The following ZFP2 variants were observed in gnomAD, a reference collection of about 807,000 sequenced individuals.
ZFP2 encodes ZFP2 zinc finger protein.
In ZFP2, 33 loss-of-function variants were observed where a neutral mutation model predicts 36.1. That is an observed-to-expected ratio of 0.92 (90% CI 0.69 to 1.22). The LOEUF (loss-of-function observed/expected upper bound fraction) is 1.22. Among genes scored for constraint, ZFP2 ranks in the 50% most tolerant of loss-of-function variants. The pLI, the probability that ZFP2 is intolerant of heterozygous loss-of-function variation, is 0.00. For missense variants in ZFP2, 522 were observed against 551.4 expected (o/e 0.95, Z 0.53); for synonymous variants, 170 against 178.0 (o/e 0.96, Z 0.36).
At chr5:178,901,704 T>G (rs1758060042) in intron 1 of ZFP2, among the ~76,000 whole-genome samples, 1 of 152,176 alleles carries the variant, frequency 6.6e-6, no homozygotes, top group Non-Finnish European at 1.5e-5. Context: ...ATACCTTTTT[T>G]GGGGGACACA....
At position 178,931,746 on chromosome 5, in the gene ZFP2, C is replaced by G. The variant is rs1261313343; in HGVS notation, c.433C>G (p.Leu145Val). 1.2e-6 allele frequency: 2 copies of G among 1,613,988 alleles called. No individual in the cohort carries two copies. Reference sequence around the variant, plus strand: ...GAAACACTTCATTGAACGATCCTCCCTTACTGTACATCAAAGAATTCATAC... The same window carrying G: ...GAAACACTTCATTGAACGATCCTCCGTTACTGTACATCAAAGAATTCATAC... Reference protein sequence around the residue: ...CGKHFIERSSLTVHQRIHTGE... With the variant: ...CGKHFIERSSVTVHQRIHTGE... The change falls in exon 5 of 5, where the codon CTT becomes GTT. Residue 145 changes from leucine to valine, a missense_variant. Physicochemically the swap from Leu to Val is conservative, Grantham distance 32. Coordinates refer to ENST00000361362, the MANE Select transcript of ZFP2 (RefSeq NM_030613.4).
intron 1 of ZFP2, among the ~76,000 whole-genome samples, chr5:178,903,446 A>T (rs985262821): frequency 2.0e-5 from 3 of 152,222 alleles, no homozygotes; most frequent in Admixed American, 2.0e-4. Flanking sequence ...TATGATGTAC[A>T]TTCTTCCAGC....
intron 4 of ZFP2, among the ~76,000 whole-genome samples, chr5:178,929,113 C>T (rs560981085): frequency 1.9e-3 from 289 of 151,960 alleles, no homozygotes; most frequent in Admixed American, 4.1e-3. Context: ...TGCAGGGCAC[C>T]GGGCCCTGGG....
In ZFP2 at chr5:178,931,549, A is replaced by G; in HGVS notation, c.236A>G (p.His79Arg). Reference protein sequence around the residue: ...MVKRPHNCNSHGEDATQNSEL... With the variant: ...MVKRPHNCNSRGEDATQNSEL... ...AAAAGGCCCCATAACTGTAATTCAC[A>G]TGGAGAAGATGCCACACAAAATTCT... Residue 79 changes from histidine to arginine, a missense_variant, in exon 5 of 5, where the codon CAT becomes CGT. By Grantham distance (29) the His-to-Arg change is conservative. Transcript: ENST00000361362. 6.2e-7 allele frequency: 1 copy of G among 1,614,196 alleles called. No homozygotes were observed. The highest frequency in any genetic ancestry group is 8.5e-7 in the Non-Finnish European group (1 of 1,180,038).
chr5:178,928,708 G>A (rs528589221), intron 4 of ZFP2, among the ~76,000 whole-genome samples: 1 of 152,310 alleles, frequency 6.6e-6, no homozygotes, highest in Non-Finnish European at 1.5e-5. Flanking sequence ...CACATGCAGG[G>A]TGCAAACTGC....
chr5:178,928,988 G>T (rs982012535), intron 4 of ZFP2, among the ~76,000 whole-genome samples: 4 of 152,232 alleles, frequency 2.6e-5, no homozygotes, highest in African/African-American at 9.7e-5. Flanking sequence ...TATCAAAGCT[G>T]CCAAGGCTTA....
chr5:178,902,689 T>A (rs1177279464), intron 1 of ZFP2, among the ~76,000 whole-genome samples: 2 of 152,226 alleles, frequency 1.3e-5, no homozygotes, highest in Non-Finnish European at 1.5e-5. Flanking sequence ...AAAATAAATC[T>A]TCTTCCTACT....
intron 4 of ZFP2, among the ~76,000 whole-genome samples, chr5:178,919,975 A>G (rs956850638): frequency 6.6e-6 from 1 of 152,108 alleles, no homozygotes; most frequent in Non-Finnish European, 1.5e-5. Flanking sequence ...AAGAAAAAAA[A>G]AAAAATTTGA....
Position 178,932,782 on chromosome 5 carries a change from T to C in ZFP2, c.*83T>C. The C allele has an allele frequency of 6.8e-7, 1 of 1,464,096 alleles. No homozygotes were observed. Among genetic ancestry groups the C allele is most frequent in the Non-Finnish European group, 9.1e-7 (1 of 1,098,182 alleles). 90.7% of individuals were successfully genotyped at this position (1,464,096 alleles called of 1,614,324 possible). A position where few individuals can be genotyped will look rare whatever the true frequency, so the allele number is the denominator to read the frequency against. Reference sequence around the variant, plus strand: ...ACATACAATGTAGAAACCTAATAAATGTAATGATTGTGGGAATCTTTCAGT... The same window carrying C: ...ACATACAATGTAGAAACCTAATAAACGTAATGATTGTGGGAATCTTTCAGT... On this transcript the variant is annotated 3_prime_UTR_variant, in exon 5 of 5. Transcript: ENST00000361362.
At chr5:178,920,596 C>T (rs1758539656) in intron 4 of ZFP2, among the ~76,000 whole-genome samples, 1 of 150,750 alleles carries the variant, frequency 6.6e-6, no homozygotes, top group African/African-American at 2.4e-5. Flanking sequence ...GAGATCGCGC[C>T]ACTGCACTCC....
rs757099952 is a variant in ZFP2, at chr5:178,925,126, T to C, written c.-77-6111T>C. Among the ~76,000 whole-genome samples the C allele has an allele frequency of 5.4e-3, 727 of 133,574 alleles. 13 individuals are homozygous for C. Among genetic ancestry groups the C allele is most frequent in the African/African-American group, 0.018 (658 of 36,708 alleles). 87.6% of individuals were successfully genotyped at this position (133,574 alleles called of 152,430 possible). A position where few individuals can be genotyped will look rare whatever the true frequency, so the allele number is the denominator to read the frequency against. ...GAATCTTTATATATATATATATATA[T>C]ACACACACACACACACACACACACA... is the stretch of plus-strand genomic sequence containing the variant. On this transcript the variant is annotated intron_variant, in intron 4 of 4. Transcript: ENST00000361362.
chr5:178,932,076 A>G lies in ZFP2; in HGVS notation c.763A>G (p.Met255Val). The G allele has an allele frequency of 6.2e-7, 1 of 1,614,094 alleles. No homozygotes were observed. The highest frequency in any genetic ancestry group is 8.5e-7 in the Non-Finnish European group (1 of 1,180,018). ...NECGKAFSQSMHLIVHQRSHT... is the reference protein window; with the variant it reads ...NECGKAFSQSVHLIVHQRSHT... ...ATGTGGAAAAGCCTTCAGTCAAAGC[A>G]TGCATCTTATTGTACATCAGAGAAG... Residue 255 changes from methionine (M) to valine (V), a missense_variant, in exon 5 of 5, where the codon ATG becomes GTG. Met to Val is a conservative substitution (Grantham distance 21). Transcript: ENST00000361362.
chr5:178,924,712 G>T (rs1758630566), intron 4 of ZFP2, among the ~76,000 whole-genome samples: 1 of 148,072 alleles, frequency 6.8e-6, no homozygotes, highest in Admixed American at 6.8e-5. Context: ...GGTGGTACAT[G>T]CCTGTAGTCC....
rs1399368781 is a variant in ZFP2 at position 178,922,058 on chromosome 5, A to G, written c.-78+5348A>G. The G allele has an allele frequency of 7.0e-6, 6 of 854,490 alleles. 1 individual carries two copies. The highest frequency in any genetic ancestry group is 1.6e-5 in the African/African-American group (1 of 61,242). 52.9% of individuals were successfully genotyped at this position (854,490 alleles called of 1,614,324 possible). A position where few individuals can be genotyped will look rare whatever the true frequency, so the allele number is the denominator to read the frequency against. ...GGAGAGTCAGCTAGCCACCCAAGAA[A>G]ACATCATGAAAGATACCGATATCAA... On this transcript the variant is annotated intron_variant, in intron 4 of 4. Transcript: ENST00000361362.
Position 178,916,637 on chromosome 5 carries a change from A to G in ZFP2, c.-151A>G. On this transcript the variant is annotated 5_prime_UTR_variant, in exon 4 of 5. Coordinates refer to ENST00000361362, the MANE Select transcript of ZFP2 (RefSeq NM_030613.4). ...ATTATCCTGTCCCAGTCAAGGGGAG[A>G]AAGTATTGACTGAGTGCTGTGCTCA... is the stretch of plus-strand genomic sequence containing the variant. 2.2e-6 allele frequency: 2 copies of G among 895,408 alleles called. No individual in the cohort carries two copies. The highest frequency in any genetic ancestry group is 2.5e-6 in the Non-Finnish European group (2 of 790,192). The allele number at this position is 895,408 out of a possible 1,614,324, so 55.5% of individuals were successfully genotyped here. A position where few individuals can be genotyped will look rare whatever the true frequency, so the allele number is the denominator to read the frequency against.
chr5:178,917,739 T>G (rs1758470631), intron 4 of ZFP2, among the ~76,000 whole-genome samples: 1 of 152,102 alleles, frequency 6.6e-6, no homozygotes, highest in Non-Finnish European at 1.5e-5. Flanking sequence ...TAGTTAAGAG[T>G]CTCTATCTGC....
chr5:178,917,666 T>C (rs1160795629), intron 4 of ZFP2, among the ~76,000 whole-genome samples: 1 of 152,160 alleles, frequency 6.6e-6, no homozygotes, highest in Non-Finnish European at 1.5e-5. Context: ...TCTGCATATA[T>C]GTATGTCTGT....
intron 1 of ZFP2, among the ~76,000 whole-genome samples, chr5:178,905,282 T>A (rs570669893): frequency 6.6e-6 from 1 of 152,040 alleles, no homozygotes; most frequent in South Asian, 2.1e-4. Context: ...TACAGACCAA[T>A]CATGAAGATC....
intron 1 of ZFP2, among the ~76,000 whole-genome samples, chr5:178,909,033 T>A (rs2113073032): frequency 6.7e-6 from 1 of 149,946 alleles, no homozygotes; most frequent in South Asian, 2.2e-4. Flanking sequence ...AAACCCCTCG[T>A]GGCCTGGATG....
Sources: allele counts gnomAD v4.1 joint callset (sites outside exome capture counted in the v4.1 genomes callset), GRCh38; gene constraint gnomAD v4.1.1; transcripts MANE v1.5; gene names NCBI Gene and HGNC (gene_info 2026-07-23, HGNC 2026-07-21).